The following PPARA variants were observed in gnomAD, a reference collection of about 807,000 sequenced individuals.
PPARA encodes peroxisome proliferator-activated receptor alpha.
In PPARA, 22 loss-of-function variants were observed where a neutral mutation model predicts 42.2. The ratio of observed to expected loss-of-function variants is 0.52; its 90% confidence interval spans 0.37 to 0.74. The LOEUF (loss-of-function observed/expected upper bound fraction) is 0.74, where lower values mean the gene tolerates loss of function less well. Ranked by LOEUF, PPARA falls within the 30% of genes least tolerant of loss-of-function variation. The pLI, the probability that PPARA is intolerant of heterozygous loss-of-function variation, is 0.00. For missense variants in PPARA, 465 were observed against 608.2 expected (o/e 0.76, Z 2.48); for synonymous variants, 242 against 239.3 (o/e 1.01, Z -0.10).
intron 6 of PPARA, among the ~76,000 whole-genome samples, chr22:46,218,817 G>C (rs1185924381): frequency 1.4e-5 from 2 of 143,884 alleles, no homozygotes; most frequent in African/African-American, 5.2e-5. Flanking sequence ...CTGGGCGACA[G>C]AGGGAGATTC....
chr22:46,209,908 G>C (rs1933754032), intron 4 of PPARA, among the ~76,000 whole-genome samples: 1 of 151,964 alleles, frequency 6.6e-6, no homozygotes, highest in Non-Finnish European at 1.5e-5. Context: ...ACCACACCTG[G>C]CTAATTTTTA....
rs1287288544 is a variant in PPARA, at chr22:46,241,402, T to C, written c.*6022T>C. 1 of 152,184 alleles carries C rather than the reference T, an allele frequency of 6.6e-6. No individual in the cohort carries two copies. The highest frequency in any genetic ancestry group is 2.4e-5 in the African/African-American group (1 of 41,408). 9.4% of individuals were successfully genotyped at this position (152,184 alleles called of 1,614,324 possible). On this transcript the variant is annotated 3_prime_UTR_variant, in exon 9 of 9. Transcript: ENST00000407236. This position sits in a 1 kb window ranked among gnomAD's most constrained non-coding sequence, Gnocchi z 5.7. ...GAAGGTTTTGTTAAAAAGAAAAAGA[T>C]AATGAGCTTCATGCTTTGTTTAATT... is the stretch of plus-strand genomic sequence containing the variant.
At position 46,180,323 on chromosome 22, in the gene PPARA, A is replaced by C. The variant is rs1358544560; in HGVS notation, c.-43+3487A>C. Among the ~76,000 whole-genome samples the C allele has an allele frequency of 6.6e-6, 1 of 152,116 alleles. No homozygotes were observed. Among genetic ancestry groups the C allele is most frequent in the Non-Finnish European group, 1.5e-5 (1 of 68,014 alleles). On this transcript the variant is annotated intron_variant, in intron 3 of 8. Coordinates refer to ENST00000407236, the MANE Select transcript of PPARA (RefSeq NM_005036.6). The surrounding 1 kb of genome is among the most constrained non-coding windows in gnomAD (Gnocchi z 4.2). ...TAATAAAGGTAACAATAGCAGTAAT[A>C]ATAATAGAAATAATGATAGTTTCTT...
chr22:46,159,564 C>T (rs1334093124), intron 2 of PPARA, among the ~76,000 whole-genome samples: 1 of 152,208 alleles, frequency 6.6e-6, no homozygotes, highest in Non-Finnish European at 1.5e-5. Context: ...TCATTCTCTT[C>T]TTTCCTTAGA....
At position 46,242,644 on chromosome 22, in the gene PPARA, T is replaced by G. The variant is rs1936402983; in HGVS notation, c.*7264T>G. ...TGAAATCAGTGTTAATTGACTCATATTCTTAAAAGCCTGGCTCTTGACCCT... is the reference window on the plus strand; with the variant it reads ...TGAAATCAGTGTTAATTGACTCATAGTCTTAAAAGCCTGGCTCTTGACCCT... On this transcript the variant is annotated 3_prime_UTR_variant, in exon 9 of 9. Coordinates refer to ENST00000407236, the MANE Select transcript of PPARA (RefSeq NM_005036.6). The surrounding 1 kb of genome is among the most constrained non-coding windows in gnomAD (Gnocchi z 6.1). The G allele has an allele frequency of 6.6e-6, 1 of 152,518 alleles. No homozygotes were observed. The highest frequency in any genetic ancestry group is 2.4e-5 in the African/African-American group (1 of 41,430). The allele number at this position is 152,518 out of a possible 1,614,324, so 9.4% of individuals were successfully genotyped here.
intron 7 of PPARA, among the ~76,000 whole-genome samples, chr22:46,226,054 A>G (rs1935420975): frequency 6.6e-6 from 1 of 151,186 alleles, no homozygotes; most frequent in Non-Finnish European, 1.5e-5. Flanking sequence ...TACAAACTAC[A>G]CATGTGCTTA....
rs969415377 is a variant in PPARA at position 46,241,146 on chromosome 22, C to T, written c.*5766C>T. Reference sequence around the variant, plus strand: ...ATGGCCTTTGCCCAGGGCATGTACTCCCCTGAGAGGCCTTCTGCCTAGAAA... The same window carrying T: ...ATGGCCTTTGCCCAGGGCATGTACTTCCCTGAGAGGCCTTCTGCCTAGAAA... On this transcript the variant is annotated 3_prime_UTR_variant, in exon 9 of 9. Transcript: ENST00000407236. The surrounding 1 kb of genome is among the most constrained non-coding windows in gnomAD (Gnocchi z 5.7). The T allele has an allele frequency of 6.6e-6, 1 of 152,264 alleles. No individual in the cohort carries two copies. Among genetic ancestry groups the T allele is most frequent in the African/African-American group, 2.4e-5 (1 of 41,470 alleles). The allele number at this position is 152,264 out of a possible 1,614,324, so 9.4% of individuals were successfully genotyped here.
chr22:46,177,090 A>T (rs1018800681), intron 3 of PPARA, among the ~76,000 whole-genome samples: 2 of 152,162 alleles, frequency 1.3e-5, no homozygotes, highest in Admixed American at 6.5e-5. Flanking sequence ...AGGCGCCTGT[A>T]GTCCCAGCTA....
rs144656589 is a variant in PPARA, at chr22:46,242,523, CT to C, written c.*7145del. 15,200 of 152,666 alleles carry C rather than the reference CT, an allele frequency of 0.1. 828 individuals carry two copies. The highest frequency in any genetic ancestry group is 0.11 in the Non-Finnish European group (7,653 of 67,992). The allele number at this position is 152,666 out of a possible 1,614,324, so 9.5% of individuals were successfully genotyped here. A position where few individuals can be genotyped will look rare whatever the true frequency, so the allele number is the denominator to read the frequency against. ...AAAAGAACTACGTTAATAGCTATAT[CT>C]TAAATACTGTGATTTGACTTTTTGA... On this transcript the variant is annotated 3_prime_UTR_variant, in exon 9 of 9. Transcript: ENST00000407236. This position sits in a 1 kb window ranked among gnomAD's most constrained non-coding sequence, Gnocchi z 6.1.
Position 46,235,611 on chromosome 22 carries a change from A to G in PPARA, c.*231A>G. 2 of 569,554 alleles carry G rather than the reference A, an allele frequency of 3.5e-6. No homozygotes were observed. The highest frequency in any genetic ancestry group is 6.2e-5 in the East Asian group (2 of 32,214). 35.3% of individuals were successfully genotyped at this position (569,554 alleles called of 1,614,324 possible). A position where few individuals can be genotyped will look rare whatever the true frequency, so the allele number is the denominator to read the frequency against. The stretch of plus-strand genomic sequence containing the variant: ...TAGGTGGCTAATCTCAGGACTGGGA[A>G]GATTACGGCGAATTATGCTCAATGG... On this transcript the variant is annotated 3_prime_UTR_variant, in exon 9 of 9. Transcript: ENST00000407236. The surrounding 1 kb of genome is among the most constrained non-coding windows in gnomAD (Gnocchi z 7.0).
chr22:46,183,635 G>A lies in PPARA; in HGVS notation c.-43+6799G>A, dbSNP rs4253680. On this transcript the variant is annotated intron_variant, in intron 3 of 8. Coordinates refer to ENST00000407236, the MANE Select transcript of PPARA (RefSeq NM_005036.6). This position sits in a 1 kb window ranked among gnomAD's most constrained non-coding sequence, Gnocchi z 5.5. Reference sequence around the variant, plus strand: ...CATGTGCCTGTAGTCCCAGTTACCCGGGAGGCTGAGGTGGGAGGATCACTT... The same window carrying A: ...CATGTGCCTGTAGTCCCAGTTACCCAGGAGGCTGAGGTGGGAGGATCACTT... 0.026 allele frequency among the ~76,000 whole-genome samples: 3,928 copies of A among 152,226 alleles called. 124 individuals carry two copies. The highest frequency in any genetic ancestry group is 0.073 in the African/African-American group (3,044 of 41,536).
At position 46,230,231 on chromosome 22, in the gene PPARA, C is replaced by T. The variant is rs1182122668; in HGVS notation, c.712-1561C>T. Among the ~76,000 whole-genome samples, 7 of 152,106 alleles carry T rather than the reference C, an allele frequency of 4.6e-5. No individual in the cohort carries two copies. Among genetic ancestry groups the T allele is most frequent in the Admixed American group, 4.6e-4 (7 of 15,256 alleles). On this transcript the variant is annotated intron_variant, in intron 7 of 8. Coordinates refer to ENST00000407236, the MANE Select transcript of PPARA (RefSeq NM_005036.6). The surrounding 1 kb of genome is among the most constrained non-coding windows in gnomAD (Gnocchi z 5.0). ...TACTAAAAATACAAAATTAGCTGGGCGTGGTGGCGCATGCCTGTAATCCCA... is the reference window on the plus strand; with the variant it reads ...TACTAAAAATACAAAATTAGCTGGGTGTGGTGGCGCATGCCTGTAATCCCA...
At position 46,218,292 on chromosome 22, in the gene PPARA, G is replaced by A. The variant is rs201964347; in HGVS notation, c.399G>A (p.Lys133=). The A allele has an allele frequency of 2.5e-6, 4 of 1,614,100 alleles. No individual in the cohort carries two copies. The highest frequency in any genetic ancestry group is 3.4e-6 in the Non-Finnish European group (4 of 1,180,026). The change falls in exon 6 of 9, where the codon AAG becomes AAA. Residue 133 remains lysine (K), a synonymous_variant. Transcript: ENST00000407236. The stretch of plus-strand genomic sequence containing the variant: ...TCTTTCGGCGAACGATTCGACTCAA[G>A]CTGGTGTATGACAAGTGCGACCGCA... The part of the protein sequence containing the change: ...KGFFRRTIRL[K]LVYDKCDRSC...
intron 4 of PPARA, among the ~76,000 whole-genome samples, chr22:46,208,540 T>TC (rs1933612440): frequency 7.3e-6 from 1 of 137,816 alleles, no homozygotes; most frequent in Admixed American, 7.6e-5. Flanking sequence ...AGAGCAAGAC[T>TC]CCATCTCAAA....
In PPARA at chr22:46,198,341, G is replaced by A; in HGVS notation, c.-42-1G>A. ...TACCAATTGTTCCTCTTTCCTCCCA[G>A]TAGCTTGGAGCTCGGCGGCACAACC... On this transcript the variant is annotated splice_acceptor_variant, in intron 3 of 8. Transcript: ENST00000407236. LOFTEE classifies it low-confidence loss of function (5UTR_SPLICE). The A allele has an allele frequency of 2.5e-6, 4 of 1,570,620 alleles. No individual in the cohort carries two copies. Among genetic ancestry groups the A allele is most frequent in the Non-Finnish European group, 2.6e-6 (3 of 1,141,542 alleles).
At chr22:46,202,887 G>A (rs551935017) in intron 4 of PPARA, among the ~76,000 whole-genome samples, 4 of 150,820 alleles carry the variant, frequency 2.7e-5, no homozygotes, top group East Asian at 2.0e-4. Context: ...AATAAATAGC[G>A]AGGGTTCAGG....
rs542065616 is a variant in PPARA, at chr22:46,224,301, T to A, written c.711+4287T>A. Reference sequence around the variant, plus strand: ...GGTGCAGGATACCCTCTCTGCTTAGTCTGGGAAAAGGCCCCGTTGGCAGGA... The same window carrying A: ...GGTGCAGGATACCCTCTCTGCTTAGACTGGGAAAAGGCCCCGTTGGCAGGA... On this transcript the variant is annotated intron_variant, in intron 7 of 8. Coordinates refer to ENST00000407236, the MANE Select transcript of PPARA (RefSeq NM_005036.6). The surrounding 1 kb of genome is among the most constrained non-coding windows in gnomAD (Gnocchi z 5.7). Among the ~76,000 whole-genome samples, 187 of 152,324 alleles carry A rather than the reference T, an allele frequency of 1.2e-3. No homozygotes were observed. The highest frequency in any genetic ancestry group is 4.3e-3 in the African/African-American group (177 of 41,574).
At position 46,231,500 on chromosome 22, in the gene PPARA, C is replaced by T. The variant is rs373906169; in HGVS notation, c.712-292C>T. On this transcript the variant is annotated intron_variant, in intron 7 of 8. Coordinates refer to ENST00000407236, the MANE Select transcript of PPARA (RefSeq NM_005036.6). This position sits in a 1 kb window ranked among gnomAD's most constrained non-coding sequence, Gnocchi z 7.7. The stretch of plus-strand genomic sequence containing the variant: ...CCTCCCAAAGTTCTGGGATTACAGG[C>T]GTGAGCCACCATGCCCAGCCCAGTA... Among the ~76,000 whole-genome samples the T allele has an allele frequency of 4.6e-5, 7 of 152,136 alleles. No individual in the cohort carries two copies. The highest frequency in any genetic ancestry group is 8.8e-5 in the Non-Finnish European group (6 of 68,024).
In PPARA at chr22:46,216,254, G is replaced by A. The variant is rs962322733; in HGVS notation, c.369+921G>A. The stretch of plus-strand genomic sequence containing the variant: ...AAAAATTAGCCAGGTGTGGTGGTGG[G>A]TGCCTGTAATCCCAGCTACTTGGGA... On this transcript the variant is annotated intron_variant, in intron 5 of 8. Coordinates refer to ENST00000407236, the MANE Select transcript of PPARA (RefSeq NM_005036.6). This position sits in a 1 kb window ranked among gnomAD's most constrained non-coding sequence, Gnocchi z 4.5. 5.9e-5 allele frequency among the ~76,000 whole-genome samples: 9 copies of A among 151,924 alleles called. No individual in the cohort carries two copies. Among genetic ancestry groups the A allele is most frequent in the Non-Finnish European group, 8.8e-5 (6 of 67,970 alleles).
Sources: allele counts gnomAD v4.1 joint callset (sites outside exome capture counted in the v4.1 genomes callset), GRCh38; gene constraint gnomAD v4.1.1; non-coding constraint Gnocchi (gnomAD v3.1); transcripts MANE v1.5; gene names NCBI Gene and HGNC (gene_info 2026-07-23, HGNC 2026-07-21).